The following SV2B variants were observed in gnomAD, a reference collection of about 807,000 sequenced individuals.
SV2B encodes the protein synaptic vesicle glycoprotein 2B, also known as solute carrier family 22 member B2.
In SV2B, 41 loss-of-function variants were observed where a neutral mutation model predicts 73.9. The ratio of observed to expected loss-of-function variants is 0.56; its 90% confidence interval spans 0.43 to 0.72. The LOEUF (loss-of-function observed/expected upper bound fraction) is 0.72, where lower values mean the gene tolerates loss of function less well. Among genes scored for constraint, SV2B ranks in the 30% least tolerant of loss-of-function variants. The pLI is 0.00. For missense variants in SV2B, 764 were observed against 857.8 expected, an observed-to-expected ratio of 0.89 and a Z score of 1.37; for synonymous variants, 314 against 314.2, an observed-to-expected ratio of 1.00 and a Z score of 0.01.
chr15:91,197,898 G>T lies in SV2B; in HGVS notation c.-391-27975G>T, dbSNP rs142703677. Among the ~76,000 whole-genome samples the T allele has an allele frequency of 4.0e-3, 605 of 152,182 alleles. 1 individual carries two copies. The highest frequency in any genetic ancestry group is 0.014 in the African/African-American group (585 of 41,538). ...AAAATACAAAAATTAGCCAGGCATG[G>T]TGGGGGACCCGTGTAATCCCAGCTA... On this transcript the variant is annotated intron_variant, in intron 1 of 12. Coordinates refer to ENST00000394232, the MANE Select transcript of SV2B (RefSeq NM_001323032.3). The surrounding 1 kb of genome is among the most constrained non-coding windows in gnomAD (Gnocchi z 4.9).
chr15:91,276,987 A>G lies in SV2B; in HGVS notation c.1374-4741A>G, dbSNP rs112755897. Among the ~76,000 whole-genome samples the G allele has an allele frequency of 6.8e-4, 104 of 152,006 alleles. 2 individuals are homozygous for G. Among genetic ancestry groups the G allele is most frequent in the African/African-American group, 2.2e-3 (93 of 41,486 alleles). On this transcript the variant is annotated intron_variant, in intron 9 of 12. Transcript: ENST00000394232. ...AGGCATGCAACACCACACCTGGCTA[A>G]TTTTTTGTATTTTTAGTAGAGACGG...
chr15:91,175,519 G>T (rs28505655), intron 1 of SV2B, among the ~76,000 whole-genome samples: 3,866 of 152,148 alleles, frequency 0.025, 159 homozygotes, highest in African/African-American at 0.086. Context: ...CTCCCAAAGT[G>T]CTGGGATTAC....
intron 1 of SV2B, among the ~76,000 whole-genome samples, chr15:91,165,572 G>A (rs1375569320): frequency 3.3e-5 from 5 of 152,086 alleles, no homozygotes; most frequent in South Asian, 2.1e-4. Context: ...TGGTATCCAC[G>A]GAGGGTGTCC....
chr15:91,295,440 T>C lies in SV2B; in HGVS notation c.*2888T>C, dbSNP rs1305070368. 1 of 152,204 alleles carries C rather than the reference T, an allele frequency of 6.6e-6. No homozygotes were observed. The highest frequency in any genetic ancestry group is 2.4e-5 in the African/African-American group (1 of 41,448). The allele number at this position is 152,204 out of a possible 1,614,324, so 9.4% of individuals were successfully genotyped here. On this transcript the variant is annotated 3_prime_UTR_variant, in exon 13 of 13. Coordinates refer to ENST00000394232, the MANE Select transcript of SV2B (RefSeq NM_001323032.3). ...CCTTAAGGACTGGGGTTAGAGATTATTTTCAGGCACTAAGGTCTCTTCTGT... is the reference window on the plus strand; with the variant it reads ...CCTTAAGGACTGGGGTTAGAGATTACTTTCAGGCACTAAGGTCTCTTCTGT...
chr15:91,137,657 A>C lies in SV2B; in HGVS notation c.-392+37294A>C, dbSNP rs1216932576. ...TATTTCATATATACATATATATTTC[A>C]TATATACATATATTTCATATATATA... On this transcript the variant is annotated intron_variant, in intron 1 of 12. Transcript: ENST00000394232. The surrounding 1 kb of genome is among the most constrained non-coding windows in gnomAD (Gnocchi z 4.9). Among the ~76,000 whole-genome samples, 1 of 147,442 alleles carries C rather than the reference A, an allele frequency of 6.8e-6. No homozygotes were observed. The highest frequency in any genetic ancestry group is 1.5e-5 in the Non-Finnish European group (1 of 67,068).
chr15:91,101,605 A>G (rs1385512606), intron 1 of SV2B, among the ~76,000 whole-genome samples: 1 of 152,032 alleles, frequency 6.6e-6, no homozygotes, highest in African/African-American at 2.4e-5. Context: ...AGGAGGAGGA[A>G]ATTGATAGTG....
chr15:91,212,654 T>C (rs1414024065), intron 1 of SV2B, among the ~76,000 whole-genome samples: 1 of 151,886 alleles, frequency 6.6e-6, no homozygotes, highest in East Asian at 1.9e-4. Context: ...GATGTTCTGG[T>C]AGAGAATAAA....
chr15:91,147,730 C>T (rs541651570), intron 1 of SV2B, among the ~76,000 whole-genome samples: 29 of 152,112 alleles, frequency 1.9e-4, no homozygotes, highest in African/African-American at 4.1e-4. Context: ...TGCCTGAATC[C>T]GGGAAGGGAG....
chr15:91,139,871 G>A lies in SV2B; in HGVS notation c.-392+39508G>A, dbSNP rs559855034. On this transcript the variant is annotated intron_variant, in intron 1 of 12. Transcript: ENST00000394232. The surrounding 1 kb of genome is among the most constrained non-coding windows in gnomAD (Gnocchi z 5.2). Reference sequence around the variant, plus strand: ...AGAAACCAAGCTATATGGTCCCTCTGGTAGCCAAGGAAGGGAGGAAGATCC... The same window carrying A: ...AGAAACCAAGCTATATGGTCCCTCTAGTAGCCAAGGAAGGGAGGAAGATCC... Among the ~76,000 whole-genome samples the A allele has an allele frequency of 5.3e-5, 8 of 152,300 alleles. No homozygotes were observed. The highest frequency in any genetic ancestry group is 3.9e-4 in the Admixed American group (6 of 15,304).
Position 91,227,279 on chromosome 15 carries a change from T to C in SV2B, c.451+565T>C, listed in dbSNP as rs988163916. Among the ~76,000 whole-genome samples the C allele has an allele frequency of 2.6e-5, 4 of 152,166 alleles. No homozygotes were observed. Among genetic ancestry groups the C allele is most frequent in the Admixed American group, 2.0e-4 (3 of 15,272 alleles). On this transcript the variant is annotated intron_variant, in intron 2 of 12. Coordinates refer to ENST00000394232, the MANE Select transcript of SV2B (RefSeq NM_001323032.3). This position sits in a 1 kb window ranked among gnomAD's most constrained non-coding sequence, Gnocchi z 4.5. The stretch of plus-strand genomic sequence containing the variant: ...AGTCCCTGCAGGCTGTTGGGAACCA[T>C]GCTGTGAAGCACAGATGGATTCTGC...
Position 91,284,068 on chromosome 15 carries a change from T to C in SV2B, c.1555T>C (p.Phe519Leu). 1 of 1,614,186 alleles carries C rather than the reference T, an allele frequency of 6.2e-7. No homozygotes were observed. The stretch of plus-strand genomic sequence containing the variant: ...CAACTGTCGGTTTATCAACTCCACC[T>C]TCCTGGAGCAGAAGGAGGGCTGCCA... ...FINCRFINST[F>L]LEQKEGCHMD... The change falls in exon 11 of 13, where the codon TTC becomes CTC. Residue 519 changes from phenylalanine to leucine, a missense_variant. By Grantham distance (22) the Phe-to-Leu change is conservative. Coordinates refer to ENST00000394232, the MANE Select transcript of SV2B (RefSeq NM_001323032.3). The surrounding 1 kb of genome is among the most constrained non-coding windows in gnomAD (Gnocchi z 4.5).
chr15:91,112,352 C>T (rs190796225), intron 1 of SV2B, among the ~76,000 whole-genome samples: 2 of 152,130 alleles, frequency 1.3e-5, no homozygotes, highest in African/African-American at 2.4e-5. Flanking sequence ...GCTTCAGCCA[C>T]GATGTGTGGC....
Position 91,132,362 on chromosome 15 carries a change from T to C in SV2B, c.-392+31999T>C, listed in dbSNP as rs1398956809. Among the ~76,000 whole-genome samples, 1 of 152,186 alleles carries C rather than the reference T, an allele frequency of 6.6e-6. No homozygotes were observed. The highest frequency in any genetic ancestry group is 1.5e-5 in the Non-Finnish European group (1 of 68,024). ...CAAAGGTCACACACCTGTGCAAACA[T>C]TGGTTGCAAAAACAATCAGGGGTTA... On this transcript the variant is annotated intron_variant, in intron 1 of 12. Transcript: ENST00000394232. The surrounding 1 kb of genome is among the most constrained non-coding windows in gnomAD (Gnocchi z 4.6).
At chr15:91,133,402 T>G (rs928543144) in intron 1 of SV2B, among the ~76,000 whole-genome samples, 2 of 151,218 alleles carry the variant, frequency 1.3e-5, no homozygotes, top group African/African-American at 4.9e-5. Flanking sequence ...TTTTTTTTTG[T>G]TTTTGTTTTT....
intron 1 of SV2B, among the ~76,000 whole-genome samples, chr15:91,189,496 C>T (rs959313241): frequency 2.6e-5 from 4 of 151,936 alleles, no homozygotes; most frequent in African/African-American, 9.7e-5. Flanking sequence ...ATATGTAGTT[C>T]GATACTTCTG....
chr15:91,253,274 G>A lies in SV2B; in HGVS notation c.784+754G>A, dbSNP rs1261319237. On this transcript the variant is annotated intron_variant, in intron 4 of 12. Coordinates refer to ENST00000394232, the MANE Select transcript of SV2B (RefSeq NM_001323032.3). The surrounding 1 kb of genome is among the most constrained non-coding windows in gnomAD (Gnocchi z 5.0). ...TCAAAATCATTTTTGGTAAATCACT[G>A]ATTATGAGTATAGGTTCAGCAGTGG... 6.6e-6 allele frequency among the ~76,000 whole-genome samples: 1 copy of A among 152,268 alleles called. No homozygotes were observed. The highest frequency in any genetic ancestry group is 1.5e-5 in the Non-Finnish European group (1 of 68,016).
intron 1 of SV2B, among the ~76,000 whole-genome samples, chr15:91,180,563 C>G (rs891985903): frequency 7.9e-5 from 12 of 152,148 alleles, no homozygotes; most frequent in African/African-American, 2.7e-4. Context: ...TTCACATAGT[C>G]CCATATTTCT....
rs909494001 is a variant in SV2B, at chr15:91,220,942, C to T, written c.-391-4931C>T. Among the ~76,000 whole-genome samples, 1 of 152,142 alleles carries T rather than the reference C, an allele frequency of 6.6e-6. No homozygotes were observed. The highest frequency in any genetic ancestry group is 2.4e-5 in the African/African-American group (1 of 41,412). ...GCAGTGACATGATCTTGGCTCACTG[C>T]AACCTCCGCCTCCTGGGATCAAGTG... On this transcript the variant is annotated intron_variant, in intron 1 of 12. Coordinates refer to ENST00000394232, the MANE Select transcript of SV2B (RefSeq NM_001323032.3). The surrounding 1 kb of genome is among the most constrained non-coding windows in gnomAD (Gnocchi z 4.1).
At chr15:91,173,898 T>C (rs2044211079) in intron 1 of SV2B, among the ~76,000 whole-genome samples, 1 of 152,224 alleles carries the variant, frequency 6.6e-6, no homozygotes, top group Admixed American at 6.5e-5. Context: ...AGTACTTTGA[T>C]GCCTTTTTCT....
Sources: gnomAD v4.1 joint callset for allele counts (sites outside exome capture counted in the v4.1 genomes callset) on GRCh38, gnomAD v4.1.1 for gene constraint, Gnocchi (gnomAD v3.1) non-coding constraint, MANE v1.5 for transcripts, NCBI Gene and HGNC (gene_info 2026-07-23, HGNC 2026-07-21) for gene names.